Variants in MUC6 observed in about 807,000 individuals in gnomAD.
MUC6 encodes the protein mucin 6, oligomeric mucus/gel-forming (gene/pseudogene), also known as mucin-6.
MUC6 carries 188 observed loss-of-function variants against 201.5 expected under a neutral mutation model. The observed-to-expected ratio is 0.93, with a 90% confidence interval of 0.83 to 1.05. The LOEUF is 1.05. Ranked by LOEUF, MUC6 falls within the 50% of genes least tolerant of loss-of-function variation. The pLI is 0.00. For missense variants in MUC6, 2,706 were observed against 3,256.9 expected (o/e 0.83, Z 4.12); for synonymous variants, 1,228 against 1,389.4 (o/e 0.88, Z 2.58).
rs1386656966 is a variant in MUC6 at position 1,033,903 on chromosome 11, G to A, written c.53-828C>T. ...ACCTCTCCAGGCCCTTCTTGGGGCC[G>A]GGACCCTCCTTGCCCCTGCCCATTG... is the stretch of plus-strand genomic sequence containing the variant. On this transcript the variant is annotated intron_variant, in intron 1 of 32. Transcript: ENST00000421673. This position sits in a 1 kb window ranked among gnomAD's most constrained non-coding sequence, Gnocchi z 5.6. Among the ~76,000 whole-genome samples the A allele has an allele frequency of 2.0e-5, 3 of 152,056 alleles. No homozygotes were observed. The highest frequency in any genetic ancestry group is 6.5e-5 in the Admixed American group (1 of 15,278).
chr11:1,016,322 C>G lies in MUC6; in HGVS notation c.6479G>C (p.Gly2160Ala), dbSNP rs777170854. 1.2e-5 allele frequency: 19 copies of G among 1,610,994 alleles called. No homozygotes were observed. In the South Asian group the frequency reaches 2.0e-4, roughly 17 times the overall value. The change falls in exon 31 of 33, where the codon GGC becomes GCC. Residue 2160 changes from glycine (G) to alanine (A), a missense_variant. Coordinates refer to ENST00000421673, the MANE Select transcript of MUC6 (RefSeq NM_005961.3). ...GGCGGACACGAAAGAGGAAGATGTGCCAACAGAAGGCGATGAAGTCTGGGG... is the reference window on the plus strand; with the variant it reads ...GGCGGACACGAAAGAGGAAGATGTGGCAACAGAAGGCGATGAAGTCTGGGG... ...SSPQTSSPSV[G>A]TSSSFVSAPV... is the part of the protein sequence containing the mutation.
At chr11:1,027,229 G>C in intron 17 of MUC6, 36 bp from the exon 18 acceptor site, 2 of 1,612,016 alleles carry the variant, frequency 1.2e-6, no homozygotes, top group Non-Finnish European at 1.7e-6. Flanking sequence ...CCCGGGACCT[G>C]GCAGGGACCC....
rs1313521690 is a variant in MUC6, at chr11:1,036,692, A to G, written c.-37T>C. 8 of 1,540,184 alleles carry G rather than the reference A, an allele frequency of 5.2e-6. No individual in the cohort carries two copies. In the East Asian group the frequency reaches 1.7e-4, roughly 33 times the overall value. ...GAGAGGAGCTCGCGCTGGGCCCGGC[A>G]GGCCTGCTGCTGCCATCCATGCGGC... On this transcript the variant is annotated 5_prime_UTR_variant, in exon 1 of 33. Transcript: ENST00000421673.
At chr11:1,024,199 G>A in intron 24 of MUC6, 96 bp from the exon 25 acceptor site, 1 of 1,419,956 alleles carries the variant, frequency 7.0e-7, no homozygotes, top group Non-Finnish European at 9.5e-7. Flanking sequence ...TCAGGCCGGA[G>A]TGTGGCGGTA....
At position 1,013,313 on chromosome 11, in the gene MUC6, G is replaced by A; in HGVS notation, c.*143C>T. On this transcript the variant is annotated 3_prime_UTR_variant, in exon 33 of 33. Coordinates refer to ENST00000421673, the MANE Select transcript of MUC6 (RefSeq NM_005961.3). ...CAGCCCCTCTCCAACCGGTGCCCCA[G>A]GGAGCCACGGCCCAGGGCACTTGGG... 1 of 834,738 alleles carries A rather than the reference G, an allele frequency of 1.2e-6. No individual in the cohort carries two copies. Among genetic ancestry groups the A allele is most frequent in the African/African-American group, 1.7e-5 (1 of 57,848 alleles). The allele number at this position is 834,738 out of a possible 1,614,324, so 51.7% of individuals were successfully genotyped here. A position where few individuals can be genotyped will look rare whatever the true frequency, so the allele number is the denominator to read the frequency against.
intron 4 of MUC6, 82 bp downstream of exon 4, chr11:1,031,525 C>T (rs1244874395): frequency 1.3e-6 from 2 of 1,514,748 alleles, no homozygotes; most frequent in African/African-American, 2.8e-5. Flanking sequence ...CTGGGACCCC[C>T]AAGGAGGGCA....
chr11:1,036,114 C>T (rs1272633952), intron 1 of MUC6, among the ~76,000 whole-genome samples: 1 of 152,092 alleles, frequency 6.6e-6, no homozygotes, highest in Non-Finnish European at 1.5e-5. Flanking sequence ...CCCTCTTCCC[C>T]CCACGGCGGC....
At chr11:1,027,561 G>A (rs554834506) in intron 16 of MUC6, 44 bp from the exon 17 acceptor site, 13 of 1,605,392 alleles carry the variant, frequency 8.1e-6, no homozygotes, top group East Asian at 6.7e-5. Flanking sequence ...GGGGGCGGCC[G>A]GGAGGGCAAT....
At chr11:1,021,006 C>T (rs1216265488) in intron 27 of MUC6, among the ~76,000 whole-genome samples, 1 of 152,146 alleles carries the variant, frequency 6.6e-6, no homozygotes, top group East Asian at 1.9e-4. Flanking sequence ...GGGTTCAGTG[C>T]TGTGTTTTTT....
chr11:1,026,873 C>G, intron 19 of MUC6, 68 bp downstream of exon 19: 1 of 1,409,042 alleles, frequency 7.1e-7, no homozygotes, highest in Non-Finnish European at 9.7e-7. Context: ...TCCCGGAGTT[C>G]TGTGGAAACC....
intron 31 of MUC6, among the ~76,000 whole-genome samples, chr11:1,014,612 G>C (rs1424548776): frequency 6.6e-6 from 1 of 152,184 alleles, no homozygotes; most frequent in Non-Finnish European, 1.5e-5. Context: ...TGCAGGCAGT[G>C]GCAGCGTTGG....
intron 10 of MUC6, 25 bp downstream of exon 10, chr11:1,029,203 C>T (rs1351758249): frequency 6.2e-7 from 1 of 1,605,734 alleles, no homozygotes; most frequent in African/African-American, 1.3e-5. Context: ...GCGCCCCTCC[C>T]CACGGGCCAC....
At chr11:1,028,446 C>T in intron 13 of MUC6, 59 bp from the exon 14 acceptor site, 1 of 1,586,898 alleles carries the variant, frequency 6.3e-7, no homozygotes, top group East Asian at 2.3e-5. Context: ...CATTCCTGCC[C>T]ACACGCCCTG....
rs370220992 is a variant in MUC6 at position 1,027,125 on chromosome 11, G to A, written c.2284+16C>T. ...CCCTCACAGTCCCAGCCTGCGGCCA[G>A]CGCTGCTGTACGTACCCAGGAACAT... On this transcript the variant is annotated intron_variant, in intron 18 of 32. Transcript: ENST00000421673. The A allele has an allele frequency of 3.3e-5, 54 of 1,612,188 alleles. No individual in the cohort carries two copies. The highest frequency in any genetic ancestry group is 1.0e-4 in the Admixed American group (6 of 59,954).
chr11:1,022,491 C>T (rs1856840081), intron 26 of MUC6, among the ~76,000 whole-genome samples: 1 of 152,226 alleles, frequency 6.6e-6, no homozygotes, highest in African/African-American at 2.4e-5. Flanking sequence ...CCCATCCTCG[C>T]CCTCACATCT....
In MUC6 at chr11:1,016,493, G is replaced by A. The variant is rs750024431; in HGVS notation, c.6308C>T (p.Pro2103Leu). The A allele has an allele frequency of 8.7e-6, 14 of 1,613,854 alleles. No individual in the cohort carries two copies. The highest frequency in any genetic ancestry group is 6.7e-5 in the Admixed American group (4 of 60,014). Residue 2103 changes from proline to leucine, a missense_variant, in exon 31 of 33, where the codon CCG becomes CTG. Pro to Leu is a moderately conservative substitution (Grantham distance 98). Transcript: ENST00000421673. ...GAGTTGTGTGGTGATAGGTGATGACGGTGGCCTTGAGCTAGAGTTCTGAGG... is the reference window on the plus strand; with the variant it reads ...GAGTTGTGTGGTGATAGGTGATGACAGTGGCCTTGAGCTAGAGTTCTGAGG... The part of the protein sequence containing the change: ...WLPQNSSSRP[P>L]SSPITTQLPH...
At position 1,029,238 on chromosome 11, in the gene MUC6, A is replaced by T; in HGVS notation, c.1265T>A (p.Ile422Asn). 1 of 1,607,636 alleles carries T rather than the reference A, an allele frequency of 6.2e-7. No individual in the cohort carries two copies. Among genetic ancestry groups the T allele is most frequent in the Non-Finnish European group, 8.5e-7 (1 of 1,177,794 alleles). Reference protein sequence around the residue: ...PYRFHGTCTYILLQSPQLPED... With the variant: ...PYRFHGTCTYNLLQSPQLPED... ...CAGGGCTCGTCCTACCTGGAGGAGG[A>T]TGTAGGTGCAGGTGCCGTGGAAGCG... The change falls in exon 10 of 33, where the codon ATC becomes AAC. Residue 422 changes from isoleucine to asparagine, a missense_variant. By Grantham distance (149) the Ile-to-Asn change is moderately radical (BLOSUM62 -3). Coordinates refer to ENST00000421673, the MANE Select transcript of MUC6 (RefSeq NM_005961.3).
Position 1,025,086 on chromosome 11 carries a change from G to T in MUC6, c.2986-3C>A, listed in dbSNP as rs755915229. On this transcript the variant is annotated splice_region_variant and splice_polypyrimidine_tract_variant and intron_variant, in intron 23 of 32. Coordinates refer to ENST00000421673, the MANE Select transcript of MUC6 (RefSeq NM_005961.3). The stretch of plus-strand genomic sequence containing the variant: ...CCACACAAGCCGCAGAGGGGATCCT[G>T]CAGACGGTGGCATCAGGCCGGGCCC... 6.2e-7 allele frequency: 1 copy of T among 1,612,840 alleles called. No individual in the cohort carries two copies. Among genetic ancestry groups the T allele is most frequent in the Non-Finnish European group, 8.5e-7 (1 of 1,179,828 alleles).
chr11:1,015,761 C>A lies in MUC6; in HGVS notation c.7039+1G>T, dbSNP rs1277148276. 2.0e-6 allele frequency: 3 copies of A among 1,528,018 alleles called. No homozygotes were observed. Among genetic ancestry groups the A allele is most frequent in the African/African-American group, 1.4e-5 (1 of 72,302 alleles). 94.7% of individuals were successfully genotyped at this position (1,528,018 alleles called of 1,614,324 possible). The stretch of plus-strand genomic sequence containing the variant: ...AGAAGGGCCACAGAGATGCCACTTA[C>A]CGGGTGAGGTGGGCGTAGGTGTCCC... On this transcript the variant is annotated splice_donor_variant, in intron 31 of 32. Coordinates refer to ENST00000421673, the MANE Select transcript of MUC6 (RefSeq NM_005961.3). LOFTEE classifies it high-confidence loss of function.
Sources: gnomAD v4.1 joint callset for allele counts (sites outside exome capture counted in the v4.1 genomes callset) on GRCh38, gnomAD v4.1.1 for gene constraint, Gnocchi (gnomAD v3.1) non-coding constraint, MANE v1.5 for transcripts, NCBI Gene and HGNC (gene_info 2026-07-23, HGNC 2026-07-21) for gene names.